Variants in RIPOR2 observed in about 807,000 individuals in gnomAD.
RIPOR2 encodes rho family-interacting cell polarization regulator 2.
A neutral mutation model predicts 114.5 loss-of-function variants in RIPOR2; 39 were observed. The ratio of observed to expected loss-of-function variants is 0.34; its 90% CI spans 0.26 to 0.44. The LOEUF (loss-of-function observed/expected upper bound fraction) is 0.44, where lower values mean the gene tolerates loss of function less well. Among genes scored for constraint, RIPOR2 ranks in the 20% least tolerant of loss-of-function variants. The probability of loss-of-function intolerance (pLI) is 1.00; values close to 1 mark genes in which losing one functional copy is unlikely to be tolerated. For synonymous variants in RIPOR2, 445 were observed against 484.4 expected (o/e 0.92, Z 1.07); for missense variants, 1,007 against 1,255.1 (o/e 0.80, Z 2.99).
intron 1 of RIPOR2, among the ~76,000 whole-genome samples, chr6:24,894,767 G>C (rs1039772334): frequency 1.3e-5 from 2 of 152,164 alleles, no homozygotes; most frequent in African/African-American, 4.8e-5. Flanking sequence ...CAGCATTTCA[G>C]TTTCAACAAG....
chr6:24,893,060 C>T (rs1477054575), intron 1 of RIPOR2, among the ~76,000 whole-genome samples: 1 of 152,128 alleles, frequency 6.6e-6, no homozygotes, highest in Admixed American at 6.6e-5. Context: ...CAAAAGTGTG[C>T]ATACTCTTGA....
intron 1 of RIPOR2, among the ~76,000 whole-genome samples, chr6:24,977,791 A>G (rs1416301905): frequency 6.6e-6 from 1 of 152,172 alleles, no homozygotes; most frequent in East Asian, 1.9e-4. Flanking sequence ...AATTATAGTC[A>G]TCAGAATTTC....
At chr6:25,016,593 G>A (rs191365294) in intron 1 of RIPOR2, among the ~76,000 whole-genome samples, 2 of 152,276 alleles carry the variant, frequency 1.3e-5, no homozygotes, top group South Asian at 2.1e-4. Context: ...AAATAGTCAC[G>A]AATCTGGGAA....
intron 13 of RIPOR2, chr6:24,840,697 A>T: frequency 6.5e-7 from 1 of 1,535,264 alleles, no homozygotes; most frequent in Non-Finnish European, 8.7e-7. Context: ...TTTAAATCAC[A>T]GTTGTCTCAT....
At position 24,891,907 on chromosome 6, in the gene RIPOR2, G is replaced by A. The variant is rs562111523; in HGVS notation, c.62-16090C>T. ...AGGGTTTTGCTTTGTTGTCCAGGCT[G>A]AAGTGCAGTGATGTGATCTCAGCTC... is the stretch of plus-strand genomic sequence containing the variant. On this transcript the variant is annotated intron_variant, in intron 1 of 21. Coordinates refer to ENST00000643898, the MANE Select transcript of RIPOR2 (RefSeq NM_001286445.3). Among the ~76,000 whole-genome samples the A allele has an allele frequency of 2.6e-5, 4 of 152,266 alleles. No homozygotes were observed. In the East Asian group the frequency reaches 7.7e-4, roughly 29 times the overall value.
intron 1 of RIPOR2, among the ~76,000 whole-genome samples, chr6:24,919,599 AG>A (rs1770325905): frequency 6.6e-6 from 1 of 152,224 alleles, no homozygotes; most frequent in Non-Finnish European, 1.5e-5. Flanking sequence ...TCCCCCAAAA[AG>A]CCTCAAGGGG....
chr6:24,998,933 A>G (rs7765689), intron 1 of RIPOR2, among the ~76,000 whole-genome samples: 52,346 of 151,616 alleles, frequency 0.35, 9,481 homozygotes, highest in South Asian at 0.43. Context: ...CTATAGGAAC[A>G]TTTTTGGGTG....
intron 1 of RIPOR2, among the ~76,000 whole-genome samples, chr6:24,969,961 G>C (rs1013930177): frequency 1.3e-5 from 2 of 152,122 alleles, no homozygotes; most frequent in African/African-American, 4.8e-5. Context: ...TGCTGCACAT[G>C]GTAGCTGTTC....
At chr6:24,849,751 T>TATTCAA in intron 11 of RIPOR2, 51 bp downstream of exon 11, 3 of 1,529,986 alleles carry the variant, frequency 2.0e-6, no homozygotes, top group Non-Finnish European at 2.7e-6. Context: ...TGAGTAGCAC[T>TATTCAA]AGCCGGTATC....
At chr6:25,024,150 AC>A in intron 1 of RIPOR2, 2 of 1,073,690 alleles carry the variant, frequency 1.9e-6, no homozygotes, top group African/African-American at 1.6e-5. Flanking sequence ...GCCGCGGGAC[AC>A]CCCCTCCTGC....
At chr6:24,939,431 AG>A (rs1329808158), upstream of RIPOR2, among the ~76,000 whole-genome samples, 1 of 152,216 alleles carries the variant, frequency 6.6e-6, no homozygotes. Flanking sequence ...CTCTCATATC[AG>A]GAAGAGGACC....
In RIPOR2 at chr6:24,946,234, C is replaced by G. The variant is rs185306670; in HGVS notation, c.77-70417G>C. On this transcript the variant is annotated intron_variant, in intron 1 of 13. Transcript: ENST00000510784. Reference sequence around the variant, plus strand: ...AATAGCTGGGATTACACCACCATGCCCAGCTAATTTTTATATTTTTAGTAG... The same window carrying G: ...AATAGCTGGGATTACACCACCATGCGCAGCTAATTTTTATATTTTTAGTAG... 6.4e-4 allele frequency among the ~76,000 whole-genome samples: 97 copies of G among 152,014 alleles called. 1 individual carries two copies. In the South Asian group the frequency reaches 0.016, roughly 25 times the overall value.
At chr6:25,012,326 A>G (rs1243141097) in intron 1 of RIPOR2, among the ~76,000 whole-genome samples, 1 of 152,258 alleles carries the variant, frequency 6.6e-6, no homozygotes, top group African/African-American at 2.4e-5. Flanking sequence ...CAGTTCTTCC[A>G]GAAGTTAAAT....
At chr6:25,001,732 C>T (rs1775332969) in intron 1 of RIPOR2, among the ~76,000 whole-genome samples, 1 of 131,590 alleles carries the variant, frequency 7.6e-6, no homozygotes, top group African/African-American at 2.9e-5. Flanking sequence ...CATAGTCTCG[C>T]TCTGTCGCCC....
At chr6:24,875,665 C>A (rs191430243) in intron 2 of RIPOR2, 26 bp downstream of exon 2, 226 of 1,602,574 alleles carry the variant, frequency 1.4e-4, no homozygotes, top group Non-Finnish European at 1.8e-4. Context: ...AAGCTGCATC[C>A]CGGGAGAGAA....
chr6:24,862,777 C>T (rs1039505688), intron 7 of RIPOR2, among the ~76,000 whole-genome samples: 1 of 140,452 alleles, frequency 7.1e-6, no homozygotes, highest in Non-Finnish European at 1.6e-5. Flanking sequence ...CATCCATGGT[C>T]AAAATTTTCC....
At chr6:25,028,202 T>G (rs1776720681) in intron 1 of RIPOR2, among the ~76,000 whole-genome samples, 1 of 152,192 alleles carries the variant, frequency 6.6e-6, no homozygotes, top group African/African-American at 2.4e-5. Flanking sequence ...AAATATCTCC[T>G]TAGCTGCCCT....
At chr6:24,848,523 C>T (rs1478046078) in intron 11 of RIPOR2, among the ~76,000 whole-genome samples, 1 of 152,116 alleles carries the variant, frequency 6.6e-6, no homozygotes, top group African/African-American at 2.4e-5. Flanking sequence ...GGCTAGATAC[C>T]TTAATGGTAT....
chr6:25,023,601 T>TA, intron 1 of RIPOR2: 1 of 765,010 alleles, frequency 1.3e-6, no homozygotes, highest in Non-Finnish European at 2.4e-6. Context: ...GTGAAGGCCT[T>TA]GATGTCTAAA....
Sources: allele counts gnomAD v4.1 joint callset (sites outside exome capture counted in the v4.1 genomes callset), GRCh38; gene constraint gnomAD v4.1.1; transcripts MANE v1.5; gene names NCBI Gene and HGNC (gene_info 2026-07-23, HGNC 2026-07-21).